ZBTB38: variants seen among roughly 807,000 people sequenced by gnomAD.
ZBTB38 encodes zinc finger and BTB domain-containing protein 38.
Under a neutral mutation model 76.8 loss-of-function variants are expected in ZBTB38, and 20 were observed. That is an observed-to-expected ratio of 0.26 (90% CI 0.18 to 0.38). The LOEUF (loss-of-function observed/expected upper bound fraction) is 0.38, where lower values mean the gene tolerates loss of function less well. ZBTB38 is among the 10% of genes least tolerant of loss of function. The pLI, the probability that ZBTB38 is intolerant of heterozygous loss-of-function variation, is 1.00. For synonymous variants in ZBTB38, 504 were observed against 544.2 expected (o/e 0.93, Z 1.03); for missense variants, 1,082 against 1,482.3 (o/e 0.73, Z 4.43).
At chr3:141,405,760 A>G (rs1490424789) in intron 5 of ZBTB38, 1 of 152,258 alleles carries the variant, frequency 6.6e-6, no homozygotes, top group Non-Finnish European at 1.5e-5. Flanking sequence ...TACTAGAAGT[A>G]TGACTGTGCT....
intron 1 of ZBTB38, among the ~76,000 whole-genome samples, chr3:141,326,417 C>G (rs772263644): frequency 1.8e-4 from 27 of 152,102 alleles, no homozygotes; most frequent in Non-Finnish European, 3.8e-4. Flanking sequence ...TGCAGGGGAG[C>G]AGGGTGGGGG....
chr3:141,335,191 C>T (rs931766250), intron 1 of ZBTB38, among the ~76,000 whole-genome samples: 2 of 152,218 alleles, frequency 1.3e-5, no homozygotes, highest in African/African-American at 4.8e-5. Context: ...GCCTTAGTGT[C>T]CCTCGTGCAT....
rs59655257 is a variant in ZBTB38 at position 141,413,657 on chromosome 3, C to T, written c.-1+9626C>T. Among the ~76,000 whole-genome samples the T allele has an allele frequency of 0.062, 9,421 of 152,202 alleles. 976 individuals are homozygous for T. The highest frequency in any genetic ancestry group is 0.21 in the African/African-American group (8,915 of 41,486). The stretch of plus-strand genomic sequence containing the variant: ...AAAACTCAGTGAGTGTTGCTTCCCC[C>T]GTTACACACCTGCTCATGATGACTT... On this transcript the variant is annotated intron_variant, in intron 5 of 5. Coordinates refer to ENST00000321464, the MANE Select transcript of ZBTB38 (RefSeq NM_001376113.1). This position sits in a 1 kb window ranked among gnomAD's most constrained non-coding sequence, Gnocchi z 4.1.
intron 1 of ZBTB38, among the ~76,000 whole-genome samples, chr3:141,349,353 C>T (rs149026115): frequency 4.7e-4 from 71 of 152,270 alleles, no homozygotes; most frequent in Middle Eastern, 3.4e-3. Flanking sequence ...ATTCACAACT[C>T]TAGGAAGAAA....
In ZBTB38 at chr3:141,446,404, A is replaced by G. The variant is rs1333017114; in HGVS notation, c.*428A>G. On this transcript the variant is annotated 3_prime_UTR_variant, in exon 6 of 6. Transcript: ENST00000321464. ...TTCGTAAATATGTTACGTGGTAATA[A>G]GCTGTGTGACGGTCTTTATTCCCAT... is the stretch of plus-strand genomic sequence containing the variant. 1 of 157,018 alleles carries G rather than the reference A, an allele frequency of 6.4e-6. No homozygotes were observed. The highest frequency in any genetic ancestry group is 1.4e-5 in the Non-Finnish European group (1 of 70,902). 9.7% of individuals were successfully genotyped at this position (157,018 alleles called of 1,614,324 possible). A position where few individuals can be genotyped will look rare whatever the true frequency, so the allele number is the denominator to read the frequency against.
intron 1 of ZBTB38, among the ~76,000 whole-genome samples, chr3:141,357,429 AC>A (rs1943693626): frequency 6.6e-6 from 1 of 152,096 alleles, no homozygotes; most frequent in Non-Finnish European, 1.5e-5. Context: ...GAGTTTTGTG[AC>A]TTATTCAGGA....
Position 141,443,228 on chromosome 3 carries a change from A to G in ZBTB38, c.840A>G (p.Glu280=). The part of the protein sequence containing the change: ...SIPQDSDSAT[E]NIPPPPVSNL... ...CACAGGATTCGGATTCAGCCACAGA[A>G]AATATACCACCCCCTCCAGTATCCA... Residue 280 remains glutamate (E), a synonymous_variant, in exon 6 of 6, where the codon GAA becomes GAG. Coordinates refer to ENST00000321464, the MANE Select transcript of ZBTB38 (RefSeq NM_001376113.1). This position sits in a 1 kb window ranked among gnomAD's most constrained non-coding sequence, Gnocchi z 5.6. 1.2e-6 allele frequency: 2 copies of G among 1,614,214 alleles called. No individual in the cohort carries two copies. Among genetic ancestry groups the G allele is most frequent in the Non-Finnish European group, 1.7e-6 (2 of 1,180,038 alleles).
chr3:141,330,211 T>C (rs1238363602), intron 1 of ZBTB38, among the ~76,000 whole-genome samples: 2 of 152,134 alleles, frequency 1.3e-5, no homozygotes, highest in Non-Finnish European at 2.9e-5. Flanking sequence ...AGGGAGTGTG[T>C]CTGGTCCAGC....
intron 5 of ZBTB38, among the ~76,000 whole-genome samples, chr3:141,430,203 T>A (rs1353317135): frequency 6.6e-6 from 1 of 152,104 alleles, no homozygotes; most frequent in Non-Finnish European, 1.5e-5. Context: ...GTAGCTGGGA[T>A]TACAGGCATG....
intron 2 of ZBTB38, among the ~76,000 whole-genome samples, chr3:141,380,564 T>C (rs1181707585): frequency 6.6e-6 from 1 of 152,200 alleles, no homozygotes; most frequent in Non-Finnish European, 1.5e-5. Context: ...CTCCGGAGTT[T>C]GATGTTGGTG....
At chr3:141,393,730 C>T (rs1007950905) in intron 4 of ZBTB38, among the ~76,000 whole-genome samples, 8 of 152,036 alleles carry the variant, frequency 5.3e-5, no homozygotes, top group Admixed American at 3.3e-4. Context: ...CGCTCTGCTG[C>T]GCCATGGAGC....
rs1169553734 is a variant in ZBTB38, at chr3:141,447,759, G to C, written c.*1783G>C. 3 of 152,236 alleles carry C rather than the reference G, an allele frequency of 2.0e-5. No individual in the cohort carries two copies. The highest frequency in any genetic ancestry group is 4.4e-5 in the Non-Finnish European group (3 of 68,040). The allele number at this position is 152,236 out of a possible 1,614,324, so 9.4% of individuals were successfully genotyped here. On this transcript the variant is annotated 3_prime_UTR_variant, in exon 6 of 6. Coordinates refer to ENST00000321464, the MANE Select transcript of ZBTB38 (RefSeq NM_001376113.1). ...GAAGACTTAGTATGGATTTGGGTGGGTAAGAAAGCATTTAAACGCCCAGGA... is the reference window on the plus strand; with the variant it reads ...GAAGACTTAGTATGGATTTGGGTGGCTAAGAAAGCATTTAAACGCCCAGGA...
At chr3:141,405,502 C>CT (rs1289185710) in intron 5 of ZBTB38, among the ~76,000 whole-genome samples, 3 of 152,068 alleles carry the variant, frequency 2.0e-5, no homozygotes, top group Admixed American at 1.3e-4. Context: ...GAAATGTTCT[C>CT]TTTTTTTAGC....
chr3:141,356,022 T>C (rs971271661), intron 1 of ZBTB38, among the ~76,000 whole-genome samples: 7 of 98,406 alleles, frequency 7.1e-5, no homozygotes, highest in African/African-American at 6.8e-4. Context: ...AATTAACTTC[T>C]CTGCCACTCT....
At chr3:141,415,118 G>T (rs13091182) in intron 5 of ZBTB38, among the ~76,000 whole-genome samples, 1 of 148,814 alleles carries the variant, frequency 6.7e-6, no homozygotes, top group African/African-American at 2.5e-5. Flanking sequence ...AGGGAACTTG[G>T]TTTCCCTACA....
intron 5 of ZBTB38, among the ~76,000 whole-genome samples, chr3:141,419,087 T>C (rs1007845943): frequency 1.3e-5 from 2 of 152,130 alleles, no homozygotes; most frequent in African/African-American, 4.8e-5. Flanking sequence ...GCAGGCTTAA[T>C]GGGAAGCATG....
rs144888424 is a variant in ZBTB38 at position 141,396,981 on chromosome 3, C to A, written c.-105-6946C>A. On this transcript the variant is annotated intron_variant, in intron 4 of 5. Coordinates refer to ENST00000321464, the MANE Select transcript of ZBTB38 (RefSeq NM_001376113.1). ...TTTCATAATGGTCAATGGGCACTGG[C>A]TTCAACTTAAAGTCACCAGCTTCAT... Among the ~76,000 whole-genome samples the A allele has an allele frequency of 1.5e-4, 23 of 152,314 alleles. No homozygotes were observed. The East Asian group carries it at 4.2e-3, about 28-fold the overall frequency.
intron 5 of ZBTB38, among the ~76,000 whole-genome samples, chr3:141,429,824 A>T (rs757640549): frequency 3.3e-5 from 5 of 152,202 alleles, no homozygotes; most frequent in Non-Finnish European, 7.3e-5. Context: ...ATCAAAGGCC[A>T]CAGGGCCAGA....
intron 4 of ZBTB38, among the ~76,000 whole-genome samples, chr3:141,390,563 C>T (rs930571772): frequency 3.3e-5 from 5 of 152,174 alleles, no homozygotes; most frequent in Non-Finnish European, 7.3e-5. Flanking sequence ...TGACTTAGAG[C>T]CTCTTCACTG....
Sources: gnomAD v4.1 joint callset for allele counts (sites outside exome capture counted in the v4.1 genomes callset) on GRCh38, gnomAD v4.1.1 for gene constraint, Gnocchi (gnomAD v3.1) non-coding constraint, MANE v1.5 for transcripts, NCBI Gene and HGNC (gene_info 2026-07-23, HGNC 2026-07-21) for gene names.